NPNT: variants seen among roughly 807,000 people sequenced by gnomAD.
NPNT encodes nephronectin.
In NPNT, 45 loss-of-function variants were observed where a neutral mutation model predicts 68.6. The observed-to-expected ratio is 0.66, with a 90% CI of 0.52 to 0.84. The LOEUF (loss-of-function observed/expected upper bound fraction) is 0.84. Among genes scored for constraint, NPNT ranks in the 40% least tolerant of loss-of-function variants. The probability of loss-of-function intolerance (pLI) is 0.00; values close to 1 mark genes in which losing one functional copy is unlikely to be tolerated. For missense variants in NPNT, 672 were observed against 714.8 expected (o/e 0.94, Z 0.68); for synonymous variants, 233 against 253.3 (o/e 0.92, Z 0.76).
intron 2 of NPNT, among the ~76,000 whole-genome samples, chr4:105,923,114 A>G (rs1192204516): frequency 6.6e-6 from 1 of 152,080 alleles, no homozygotes; most frequent in East Asian, 1.9e-4. Flanking sequence ...TATTTTTTTG[A>G]TAAGGAAGGG....
At chr4:105,912,048 A>ATT in intron 2 of NPNT, 1 of 648,288 alleles carries the variant, frequency 1.5e-6, no homozygotes, top group Non-Finnish European at 2.7e-6. Flanking sequence ...CATGTCCTAG[A>ATT]TTTTTTTTTG....
chr4:105,937,433 A>G (rs1391054860), intron 4 of NPNT, among the ~76,000 whole-genome samples: 1 of 150,854 alleles, frequency 6.6e-6, no homozygotes, highest in Admixed American at 6.6e-5. Context: ...CTATCTGGGC[A>G]TAGAAGAATG....
intron 2 of NPNT, among the ~76,000 whole-genome samples, chr4:105,903,106 A>G (rs532479789): frequency 6.6e-6 from 1 of 152,214 alleles, no homozygotes; most frequent in African/African-American, 2.4e-5. Context: ...GCATGTACAC[A>G]CTGGGACCAA....
At chr4:105,962,213 C>A (rs1560543419) in intron 10 of NPNT, among the ~76,000 whole-genome samples, 2 of 152,056 alleles carry the variant, frequency 1.3e-5, no homozygotes, top group East Asian at 1.9e-4. Flanking sequence ...TTTGAGAATT[C>A]TTTTTTTCTA....
intron 10 of NPNT, among the ~76,000 whole-genome samples, chr4:105,965,657 T>C (rs1299478891): frequency 6.6e-6 from 1 of 152,186 alleles, no homozygotes; most frequent in Non-Finnish European, 1.5e-5. Context: ...AGCTGACTTA[T>C]AGTGAGACAT....
At chr4:105,939,087 A>C (rs1729720611) in intron 5 of NPNT, among the ~76,000 whole-genome samples, 1 of 152,206 alleles carries the variant, frequency 6.6e-6, no homozygotes, top group Non-Finnish European at 1.5e-5. Context: ...TACTCCAGAC[A>C]CTGTGCTGAG....
At chr4:105,910,939 C>A (rs1038999709) in intron 2 of NPNT, among the ~76,000 whole-genome samples, 5 of 151,964 alleles carry the variant, frequency 3.3e-5, no homozygotes, top group Non-Finnish European at 7.4e-5. Flanking sequence ...CCTTTGCTTA[C>A]AATAATTTAA....
chr4:105,961,056 G>A (rs755939405), intron 10 of NPNT, among the ~76,000 whole-genome samples: 10 of 152,112 alleles, frequency 6.6e-5, no homozygotes, highest in Non-Finnish European at 1.2e-4. Context: ...TTCACTCGAG[G>A]AGCAAATAAT....
At position 105,920,721 on chromosome 4, in the gene NPNT, G is replaced by C. The variant is rs186789559; in HGVS notation, c.173-6615G>C. Among the ~76,000 whole-genome samples the C allele has an allele frequency of 2.5e-3, 379 of 152,176 alleles. 2 individuals are homozygous for C. The highest frequency in any genetic ancestry group is 8.7e-3 in the African/African-American group (363 of 41,540). Reference sequence around the variant, plus strand: ...GAGATCAAATAGATACTTGGTAAATGTGTCTGAATTGGATGTTCCCAGACA... The same window carrying C: ...GAGATCAAATAGATACTTGGTAAATCTGTCTGAATTGGATGTTCCCAGACA... On this transcript the variant is annotated intron_variant, in intron 2 of 11. Transcript: ENST00000379987.
chr4:105,960,095 C>A (rs546160480), intron 10 of NPNT, among the ~76,000 whole-genome samples: 19 of 152,302 alleles, frequency 1.2e-4, no homozygotes, highest in Non-Finnish European at 2.4e-4. Context: ...CAGGCGTGAG[C>A]CACCGCGCCC....
Position 105,937,139 on chromosome 4 carries a change from A to C in NPNT, c.385+11A>C. On this transcript the variant is annotated intron_variant, in intron 4 of 11. Coordinates refer to ENST00000379987, the MANE Select transcript of NPNT (RefSeq NM_001033047.3). ...ATGGTTCCTGCTCAAGTATGTCAAG[A>C]ATCTTAACTGTTTTATAAGTGCTTT... 6.2e-6 allele frequency: 10 copies of C among 1,612,356 alleles called. No homozygotes were observed. Among genetic ancestry groups the C allele is most frequent in the Non-Finnish European group, 8.5e-6 (10 of 1,179,230 alleles).
intron 2 of NPNT, among the ~76,000 whole-genome samples, chr4:105,907,800 ACTT>A (rs1246840243): frequency 6.6e-6 from 1 of 152,142 alleles, no homozygotes; most frequent in African/African-American, 2.4e-5. Flanking sequence ...ATTCACTAAA[ACTT>A]CTTTTTAAGT....
intron 2 of NPNT, among the ~76,000 whole-genome samples, chr4:105,898,566 A>C (rs890566146): frequency 6.6e-6 from 1 of 152,050 alleles, no homozygotes; most frequent in South Asian, 2.1e-4. Context: ...CCTTTTTTGG[A>C]CTGGGGTTGT....
chr4:105,930,864 T>G (rs1055409123), intron 3 of NPNT, among the ~76,000 whole-genome samples: 9 of 152,196 alleles, frequency 5.9e-5, no homozygotes, highest in Non-Finnish European at 1.3e-4. Context: ...TGGAACTGGT[T>G]TAATTTAGTA....
rs1369651673 is a variant in NPNT, at chr4:105,942,539, A to G, written c.996A>G (p.Pro332=). ...CAATTCCTACTCCACCACCACCACC[A>G]CCCCTGCCAACAGAGCTCAGAACAC... is the stretch of plus-strand genomic sequence containing the variant. ...PTPIPTPPPP[P]PLPTELRTPL... Residue 332 remains proline (P), a synonymous_variant, in exon 8 of 12, where the codon CCA becomes CCG. Coordinates refer to ENST00000379987, the MANE Select transcript of NPNT (RefSeq NM_001033047.3). The G allele has an allele frequency of 3.7e-6, 6 of 1,613,516 alleles. No homozygotes were observed. Among genetic ancestry groups the G allele is most frequent in the Non-Finnish European group, 5.1e-6 (6 of 1,179,920 alleles).
At chr4:105,921,446 TTCAG>T (rs1030435901) in intron 2 of NPNT, among the ~76,000 whole-genome samples, 16 of 152,308 alleles carry the variant, frequency 1.1e-4, no homozygotes, top group Non-Finnish European at 2.1e-4. Context: ...TGAGGATAAA[TTCAG>T]TCAGTCATAT....
intron 2 of NPNT, among the ~76,000 whole-genome samples, chr4:105,920,483 A>C (rs1185395934): frequency 6.6e-6 from 1 of 151,422 alleles, no homozygotes; most frequent in East Asian, 1.9e-4. Context: ...TTTGGCATTA[A>C]TCTAAATTCC....
chr4:105,931,324 T>A (rs1318658523), intron 3 of NPNT, among the ~76,000 whole-genome samples: 1 of 152,166 alleles, frequency 6.6e-6, no homozygotes, highest in Admixed American at 6.5e-5. Context: ...TATTTATAAA[T>A]GTCAATTCCT....
chr4:105,944,780 A>G (rs991373340), intron 8 of NPNT, among the ~76,000 whole-genome samples: 4 of 152,352 alleles, frequency 2.6e-5, no homozygotes, highest in African/African-American at 9.6e-5. Context: ...ATAGCTGCTT[A>G]TTAAGTCTAG....
Sources: allele counts gnomAD v4.1 joint callset (sites outside exome capture counted in the v4.1 genomes callset), GRCh38; gene constraint gnomAD v4.1.1; transcripts MANE v1.5; gene names NCBI Gene and HGNC (gene_info 2026-07-23, HGNC 2026-07-21).